The following EXOSC10 variants were observed in gnomAD, a reference collection of about 807,000 sequenced individuals.
The protein encoded by EXOSC10 is exosome component 10.
Under a neutral mutation model 126.6 loss-of-function variants are expected in EXOSC10, and 94 were observed. The ratio of observed to expected loss-of-function variants is 0.74; its 90% CI spans 0.63 to 0.88. The LOEUF (loss-of-function observed/expected upper bound fraction) is 0.88, where lower values mean the gene tolerates loss of function less well. Ranked by LOEUF, EXOSC10 falls within the 40% of genes least tolerant of loss-of-function variation. EXOSC10 has a pLI of 0.00. For missense variants in EXOSC10, 1,041 were observed against 1,100.5 expected, an observed-to-expected ratio of 0.95 and a Z score of 0.77; for synonymous variants, 395 against 400.8, an observed-to-expected ratio of 0.99 and a Z score of 0.17.
At chr1:11,091,298 G>C in intron 4 of EXOSC10, 119 bp from the exon 5 acceptor site, 1 of 1,071,932 alleles carries the variant, frequency 9.3e-7, no homozygotes. Context: ...ATTCATTTAA[G>C]AATGTATGTG....
intron 1 of EXOSC10, 27 bp from the exon 2 acceptor site, chr1:11,098,183 G>A (rs1404085356): frequency 1.9e-6 from 3 of 1,582,010 alleles, no homozygotes; most frequent in African/African-American, 2.7e-5. Flanking sequence ...AAGATGGCAT[G>A]TTTACACAGG....
At chr1:11,079,657 G>T in intron 14 of EXOSC10, 54 bp downstream of exon 14, 1 of 1,457,448 alleles carries the variant, frequency 6.9e-7, no homozygotes, top group Non-Finnish European at 9.5e-7. Context: ...GCCTCCCAAA[G>T]TGCTGAGATT....
intron 6 of EXOSC10, among the ~76,000 whole-genome samples, chr1:11,089,222 T>TAAA (rs533212430): frequency 1.4e-4 from 7 of 49,698 alleles, no homozygotes; most frequent in South Asian, 6.3e-4. Context: ...AGAGCAAAAC[T>TAAA]AAAAAAAAAA....
rs1256629450 is a variant in EXOSC10 at position 11,088,174 on chromosome 1, T to A, written c.783A>T (p.Glu261Asp). The A allele has an allele frequency of 3.1e-6, 5 of 1,613,320 alleles. No individual in the cohort carries two copies. Among genetic ancestry groups the A allele is most frequent in the Non-Finnish European group, 1.7e-6 (2 of 1,179,730 alleles). ...CATCTGCTGGGGTAAAGTGATTTAGTTCATATTGATAAGGATGTGCAAACC... is the reference window on the plus strand; with the variant it reads ...CATCTGCTGGGGTAAAGTGATTTAGATCATATTGATAAGGATGTGCAAACC... ...QDMFAHPYQY[E>D]LNHFTPADAV... The change falls in exon 7 of 25, where the codon GAA (glutamate) becomes GAT (aspartate). Residue 261 changes from glutamate to aspartate, a missense_variant. Physicochemically the swap from Glu to Asp is conservative, Grantham distance 45. Around this residue, in one of 3 missense-constraint regions of EXOSC10, gnomAD observed 645 missense variants for 656.3 expected, o/e 0.98. Coordinates refer to ENST00000376936, the MANE Select transcript of EXOSC10 (RefSeq NM_001001998.3).
intron 13 of EXOSC10, 113 bp from the exon 14 acceptor site, chr1:11,079,935 C>T (rs1004700913): frequency 1.2e-6 from 1 of 823,434 alleles, no homozygotes; most frequent in South Asian, 1.6e-5. Flanking sequence ...GCTGAAGCTA[C>T]AGGTAGGTGA....
Position 11,081,203 on chromosome 1 carries a change from T to C in EXOSC10, c.1316A>G (p.Asp439Gly). 1 of 1,614,170 alleles carries C rather than the reference T, an allele frequency of 6.2e-7. No homozygotes were observed. The highest frequency in any genetic ancestry group is 8.5e-7 in the Non-Finnish European group (1 of 1,180,024). Residue 439 changes from aspartate to glycine, a missense_variant, in exon 11 of 25, where the codon GAT (aspartate) becomes GGT (glycine). Physicochemically the swap from Asp to Gly is moderately conservative, Grantham distance 94. Coordinates refer to ENST00000376936, the MANE Select transcript of EXOSC10 (RefSeq NM_001001998.3). ...LPEEMLSYAR[D>G]DTHYLLYIYD... Reference sequence around the variant, plus strand: ...GATATATAGCAGGTAATGGGTGTCATCCCGGGCGTAGCTGAGCATCTCCTC... The same window carrying C: ...GATATATAGCAGGTAATGGGTGTCACCCCGGGCGTAGCTGAGCATCTCCTC...
rs554065524 is a variant in EXOSC10, at chr1:11,095,852, C to T, written c.278G>A (p.Cys93Tyr). The T allele has an allele frequency of 1.9e-6, 3 of 1,613,816 alleles. No individual in the cohort carries two copies. The highest frequency in any genetic ancestry group is 1.3e-5 in the African/African-American group (1 of 74,942). Residue 93 changes from cysteine to tyrosine, a missense_variant, in exon 3 of 25, where the codon TGT (cysteine) becomes TAT (tyrosine). By Grantham distance (194) the Cys-to-Tyr change is radical. Around this residue, in one of 3 missense-constraint regions of EXOSC10, gnomAD observed 645 missense variants for 656.3 expected, o/e 0.98. Coordinates refer to ENST00000376936, the MANE Select transcript of EXOSC10 (RefSeq NM_001001998.3). Reference sequence around the variant, plus strand: ...ACTTCGATCCTTAATGTTGCTGCGACACCCATGGTACTGCATTACTCTGCT... The same window carrying T: ...ACTTCGATCCTTAATGTTGCTGCGATACCCATGGTACTGCATTACTCTGCT... ...CMSRVMQYHG[C>Y]RSNIKDRSKV...
Position 11,090,548 on chromosome 1 carries a change from A to G in EXOSC10, c.758+6T>C. On this transcript the variant is annotated splice_donor_region_variant and intron_variant, in intron 6 of 24. Coordinates refer to ENST00000376936, the MANE Select transcript of EXOSC10 (RefSeq NM_001001998.3). ...GGCAGAAAGTCAGACACAGGCCAAC[A>G]CTTACATGTCTTGCTCAACCTGCTG... The G allele has an allele frequency of 5.0e-6, 8 of 1,611,880 alleles. No individual in the cohort carries two copies. The highest frequency in any genetic ancestry group is 6.8e-6 in the Non-Finnish European group (8 of 1,178,072).
At chr1:11,075,347 G>T (rs189946348) in intron 17 of EXOSC10, among the ~76,000 whole-genome samples, 57 of 152,240 alleles carry the variant, frequency 3.7e-4, no homozygotes, top group African/African-American at 1.3e-3. Context: ...ATCTTTATAG[G>T]GAATCATTGA....
Position 11,074,516 on chromosome 1 carries a change from G to A in EXOSC10, c.1987-190C>T, listed in dbSNP as rs1395823007. Among the ~76,000 whole-genome samples, 6 of 151,880 alleles carry A rather than the reference G, an allele frequency of 4.0e-5. No homozygotes were observed. In the East Asian group the frequency reaches 5.8e-4, roughly 15 times the overall value. Reference sequence around the variant, plus strand: ...CAACCTCCACCTCCTGTGTTCAAGCGATTCTCCTGCCTCAGCCTCCTGAGT... The same window carrying A: ...CAACCTCCACCTCCTGTGTTCAAGCAATTCTCCTGCCTCAGCCTCCTGAGT... On this transcript the variant is annotated intron_variant, in intron 17 of 24. Transcript: ENST00000376936.
intron 2 of EXOSC10, among the ~76,000 whole-genome samples, chr1:11,097,411 T>C (rs1294238322): frequency 6.7e-6 from 1 of 149,786 alleles, no homozygotes; most frequent in African/African-American, 2.5e-5. Flanking sequence ...AAATACCTGC[T>C]ACTCTACAAG....
At chr1:11,078,587 A>C (rs1050844587) in intron 14 of EXOSC10, among the ~76,000 whole-genome samples, 4 of 152,190 alleles carry the variant, frequency 2.6e-5, no homozygotes, top group East Asian at 1.9e-4. Flanking sequence ...ACAACAACAA[A>C]AAAAACAAAA....
intron 16 of EXOSC10, 164 bp downstream of exon 16, chr1:11,077,201 G>C: frequency 1.4e-6 from 1 of 710,176 alleles, no homozygotes; most frequent in Non-Finnish European, 2.4e-6. Context: ...ATGTTGGCCA[G>C]GCTGGTCTCA....
rs1322412230 is a variant in EXOSC10 at position 11,068,666 on chromosome 1, A to T, written c.2529T>A (p.Asn843Lys). 1 of 1,614,178 alleles carries T rather than the reference A, an allele frequency of 6.2e-7. No individual in the cohort carries two copies. Among genetic ancestry groups the T allele is most frequent in the Admixed American group, 1.7e-5 (1 of 60,024 alleles). The change falls in exon 23 of 25, where the codon AAT becomes AAA. Residue 843 changes from asparagine (N) to lysine (K), a missense_variant. Transcript: ENST00000376936. ...TTACCTTGCCAGACGGGGTCTGTTT[A>T]TTTGGATCAAACTGAGAAGAAACTT... ...KSKVSSQFDP[N>K]KQTPSGKKCI...
chr1:11,069,931 A>G (rs749180279), intron 21 of EXOSC10, among the ~76,000 whole-genome samples: 6 of 152,142 alleles, frequency 3.9e-5, no homozygotes, highest in African/African-American at 7.2e-5. Context: ...CAATGACATG[A>G]GGTCATTTAA....
At chr1:11,090,920 C>T in intron 5 of EXOSC10, 94 bp downstream of exon 5, 5 of 1,294,618 alleles carry the variant, frequency 3.9e-6, no homozygotes, top group Non-Finnish European at 5.4e-6. Context: ...AGGGTGGGCT[C>T]CCTTTGAACA....
intron 3 of EXOSC10, among the ~76,000 whole-genome samples, chr1:11,094,501 C>T (rs189322588): frequency 3.3e-5 from 5 of 151,384 alleles, no homozygotes; most frequent in African/African-American, 9.7e-5. Context: ...TTACCATGTC[C>T]GCCAGGCTGC....
At chr1:11,083,776 CCT>C (rs1640325335) in intron 9 of EXOSC10, among the ~76,000 whole-genome samples, 1 of 152,150 alleles carries the variant, frequency 6.6e-6, no homozygotes, top group African/African-American at 2.4e-5. Context: ...ATCCCTCCCC[CCT>C]TTCCCCACCC....
chr1:11,080,391 A>T, intron 13 of EXOSC10, 108 bp downstream of exon 13: 1 of 1,349,788 alleles, frequency 7.4e-7, no homozygotes, highest in Non-Finnish European at 1.0e-6. Context: ...TTGGAGCATT[A>T]ATCTCTGAGT....
Sources: gnomAD v4.1 joint callset for allele counts (sites outside exome capture counted in the v4.1 genomes callset) on GRCh38, gnomAD v4.1.1 for gene constraint, gnomAD v4.1.1 regional missense constraint, MANE v1.5 for transcripts, NCBI Gene and HGNC (gene_info 2026-07-23, HGNC 2026-07-21) for gene names.